Variants in LPIN2 observed in about 807,000 individuals in gnomAD.
The protein encoded by LPIN2 is lipin 2, also known as phosphatidate phosphatase LPIN2.
In LPIN2, 55 loss-of-function variants were observed where a neutral mutation model predicts 111.4. The ratio of observed to expected loss-of-function variants is 0.49; its 90% CI spans 0.40 to 0.62. The LOEUF (loss-of-function observed/expected upper bound fraction) is 0.62. LPIN2 is among the 20% of genes least tolerant of loss of function. LPIN2 has a pLI of 0.00. For missense variants in LPIN2, 992 were observed against 1,112.1 expected (o/e 0.89, Z 1.54); for synonymous variants, 425 against 414.0 (o/e 1.03, Z -0.32).
intron 1 of LPIN2, among the ~76,000 whole-genome samples, chr18:2,969,887 T>C (rs2077877090): frequency 6.6e-6 from 1 of 152,240 alleles, no homozygotes; most frequent in Non-Finnish European, 1.5e-5. Flanking sequence ...TAAGTTGTTA[T>C]GGGCTCAAGT....
intron 1 of LPIN2, among the ~76,000 whole-genome samples, chr18:2,961,302 C>T (rs1053220720): frequency 6.6e-6 from 1 of 152,180 alleles, no homozygotes; most frequent in African/African-American, 2.4e-5. Flanking sequence ...CATCTTCCAA[C>T]AGAACCAATG....
chr18:2,929,401 A>T (rs1002414657), intron 9 of LPIN2, among the ~76,000 whole-genome samples: 6 of 152,178 alleles, frequency 3.9e-5, no homozygotes, highest in African/African-American at 1.4e-4. Context: ...GTAAAAAGGG[A>T]CATGACAGAG....
intron 6 of LPIN2, 78 bp from the exon 7 acceptor site, chr18:2,938,115 G>A: frequency 9.1e-7 from 1 of 1,102,706 alleles, no homozygotes; most frequent in South Asian, 1.3e-5. Flanking sequence ...CTGGCAATGT[G>A]TTCATTCTAT....
chr18:2,921,040 CCTAAA>C (rs1333858322), intron 18 of LPIN2, 159 bp from the exon 19 acceptor site: 3 of 690,982 alleles, frequency 4.3e-6, no homozygotes, highest in Non-Finnish European at 7.9e-6. Flanking sequence ...TTTAGACAAA[CCTAAA>C]CTACAGAGTG....
intron 4 of LPIN2, chr18:2,946,420 A>G (rs1568552177): frequency 2.1e-6 from 3 of 1,453,004 alleles, no homozygotes; most frequent in Non-Finnish European, 2.9e-6. Flanking sequence ...AGCAAGACCA[A>G]CCCTTTAATG....
In LPIN2 at chr18:2,951,316, G is replaced by C; in HGVS notation, c.329C>G (p.Thr110Ser). The part of the protein sequence containing the change: ...PAYLATSPIP[T>S]EDQFFKDIDT... ...AATATCTTTAAAGAACTGATCTTCA[G>C]TAGGAATTGGTGAGGTGGCAAGGTA... The change falls in exon 4 of 20, where the codon ACT (threonine) becomes AGT (serine). Residue 110 changes from threonine to serine, a missense_variant. Physicochemically the swap from Thr to Ser is moderately conservative, Grantham distance 58 (BLOSUM62 1). Transcript: ENST00000677752. The C allele has an allele frequency of 6.2e-7, 1 of 1,614,116 alleles. No homozygotes were observed.
In LPIN2 at chr18:2,945,740, A is replaced by T. The variant is rs2077440974; in HGVS notation, c.591-5028T>A. 4 of 1,200,178 alleles carry T rather than the reference A, an allele frequency of 3.3e-6. No homozygotes were observed. In the East Asian group the frequency reaches 9.3e-5, roughly 28 times the overall value. 74.3% of individuals were successfully genotyped at this position (1,200,178 alleles called of 1,614,324 possible). A position where few individuals can be genotyped will look rare whatever the true frequency, so the allele number is the denominator to read the frequency against. Reference sequence around the variant, plus strand: ...CAAATTCCTTCTCTCCTTCAAATACAATATGCGCATCTAACAATGTGCTAT... The same window carrying T: ...CAAATTCCTTCTCTCCTTCAAATACTATATGCGCATCTAACAATGTGCTAT... On this transcript the variant is annotated intron_variant, in intron 4 of 19. Transcript: ENST00000677752.
chr18:3,006,951 G>A (rs2078525698), intron 1 of LPIN2, among the ~76,000 whole-genome samples: 1 of 151,388 alleles, frequency 6.6e-6, no homozygotes, highest in Admixed American at 6.6e-5. Flanking sequence ...AGTGAGCTGA[G>A]ATAGCCCCAC....
intron 1 of LPIN2, chr18:2,972,428 A>G (rs1192957106): frequency 6.6e-6 from 1 of 152,180 alleles, no homozygotes; most frequent in Non-Finnish European, 1.5e-5. Context: ...AAACACAACC[A>G]CAAAGTTATC....
intron 3 of LPIN2, among the ~76,000 whole-genome samples, chr18:2,952,216 C>A (rs1230410234): frequency 6.6e-6 from 1 of 152,190 alleles, no homozygotes; most frequent in Non-Finnish European, 1.5e-5. Context: ...CACCTGAGGT[C>A]AGGAGTTTGA....
intron 1 of LPIN2, among the ~76,000 whole-genome samples, chr18:2,976,020 T>C (rs2078008548): frequency 6.6e-6 from 1 of 152,184 alleles, no homozygotes; most frequent in African/African-American, 2.4e-5. Context: ...TCTTCCACTA[T>C]CCAAATTACA....
chr18:2,982,602 T>G (rs979820010), intron 1 of LPIN2: 8 of 623,386 alleles, frequency 1.3e-5, no homozygotes, highest in South Asian at 1.6e-5. Context: ...CATCCCCTTG[T>G]CTCTCAGTAG....
At chr18:2,991,983 G>A (rs550365976) in intron 1 of LPIN2, among the ~76,000 whole-genome samples, 8 of 148,768 alleles carry the variant, frequency 5.4e-5, no homozygotes, top group African/African-American at 2.0e-4. Context: ...ACTCTAGCCT[G>A]GGCGACAGAG....
At position 2,938,035 on chromosome 18, in the gene LPIN2, G is replaced by C; in HGVS notation, c.825C>G (p.Val275=). Residue 275 remains valine (V), a splice_region_variant and synonymous_variant, in exon 7 of 20, where the codon GTC becomes GTG. Transcript: ENST00000677752. ...GATGGTCAGATCGTTCTCTTTTGCT[G>C]ACCTAAAAAAGTTAAATTGTTTAAA... The part of the protein sequence containing the change: ...TWGGFPESTK[V]SKRERSDHHP... The C allele has an allele frequency of 6.2e-7, 1 of 1,612,560 alleles. No individual in the cohort carries two copies. Among genetic ancestry groups the C allele is most frequent in the African/African-American group, 1.3e-5 (1 of 75,006 alleles).
At chr18:2,977,098 C>T (rs1354062502) in intron 1 of LPIN2, 1 of 151,746 alleles carries the variant, frequency 6.6e-6, no homozygotes, top group Non-Finnish European at 1.5e-5. Context: ...GTCCTAGCTC[C>T]TTAGAAGGCT....
intron 7 of LPIN2, among the ~76,000 whole-genome samples, chr18:2,937,032 T>G (rs1427674435): frequency 1.3e-5 from 2 of 152,182 alleles, no homozygotes; most frequent in Non-Finnish European, 2.9e-5. Context: ...TTTTTCTCTA[T>G]TCTAATTTTT....
At chr18:2,998,684 A>T (rs2078382039) in intron 1 of LPIN2, among the ~76,000 whole-genome samples, 1 of 150,850 alleles carries the variant, frequency 6.6e-6, no homozygotes, top group Non-Finnish European at 1.5e-5. Context: ...TACATGACAG[A>T]TTTTTTTTTA....
chr18:2,996,983 A>ATT (rs1439139580), intron 1 of LPIN2, among the ~76,000 whole-genome samples: 2,159 of 21,128 alleles, frequency 0.1, 68 homozygotes, highest in African/African-American at 0.19. Flanking sequence ...GGAGGCTTGT[A>ATT]TTTTTCTTTT....
chr18:2,956,177 TGACGATAATCAGAAC>T (rs2143154452), intron 2 of LPIN2, among the ~76,000 whole-genome samples: 1 of 152,310 alleles, frequency 6.6e-6, no homozygotes, highest in East Asian at 1.9e-4. Flanking sequence ...GCAGATATAC[TGACGATAATCAGAAC>T]CATGTTTCCT....
Sources: gnomAD v4.1 joint callset for allele counts (sites outside exome capture counted in the v4.1 genomes callset) on GRCh38, gnomAD v4.1.1 for gene constraint, MANE v1.5 for transcripts, NCBI Gene and HGNC (gene_info 2026-07-23, HGNC 2026-07-21) for gene names.